SETBP1: variants seen among roughly 807,000 people sequenced by gnomAD.
SETBP1 encodes SET-binding protein.
Under a neutral mutation model 101.0 loss-of-function variants are expected in SETBP1, and 9 were observed. The ratio of observed to expected loss-of-function variants is 0.09; its 90% CI spans 0.05 to 0.16. SETBP1 has a LOEUF of 0.16. SETBP1 is among the 10% of genes least tolerant of loss of function. The pLI, the probability that SETBP1 is intolerant of heterozygous loss-of-function variation, is 1.00. For missense variants in SETBP1, 1,858 were observed against 2,033.8 expected (o/e 0.91, Z 1.66); for synonymous variants, 818 against 788.5 (o/e 1.04, Z -0.63).
At chr18:44,868,701 CGGAAGGAAGGGAGGAAGGAAGGAA>C (rs200660680) in intron 2 of SETBP1, among the ~76,000 whole-genome samples, 15,454 of 112,110 alleles carry the variant, frequency 0.14, 1,944 homozygotes, top group South Asian at 0.19. Context: ...AGAGAGAGGA[CGGAAGGAAGGGAGGAAGGAAGGAA>C]GGAAGGAAGG....
At chr18:45,022,257 T>C (rs1178369203) in intron 4 of SETBP1, among the ~76,000 whole-genome samples, 2 of 152,194 alleles carry the variant, frequency 1.3e-5, no homozygotes, top group African/African-American at 4.8e-5. Context: ...TCTTCTGTTA[T>C]ATTTCACCTG....
chr18:44,687,466 T>C (rs929477716), intron 1 of SETBP1, among the ~76,000 whole-genome samples: 3 of 151,938 alleles, frequency 2.0e-5, no homozygotes, highest in African/African-American at 4.8e-5. Flanking sequence ...CTGGGGTAAA[T>C]AGAATTGGGG....
chr18:44,876,713 C>T, intron 3 of SETBP1: 2 of 1,547,506 alleles, frequency 1.3e-6, no homozygotes, highest in Non-Finnish European at 8.7e-7. Flanking sequence ...CTCACTCTTC[C>T]TTTTCACAGT....
At chr18:44,842,293 G>A (rs2072632689) in intron 2 of SETBP1, among the ~76,000 whole-genome samples, 2 of 152,246 alleles carry the variant, frequency 1.3e-5, no homozygotes, top group African/African-American at 4.8e-5. Context: ...CACCAGCTCA[G>A]GGGGAGGGCC....
chr18:44,712,501 T>A (rs561504667), intron 2 of SETBP1, among the ~76,000 whole-genome samples: 7 of 152,324 alleles, frequency 4.6e-5, no homozygotes, highest in Admixed American at 4.6e-4. Context: ...AAGCAGTAGC[T>A]CCTCATGGTG....
At chr18:44,908,807 G>A (rs560291652) in intron 3 of SETBP1, among the ~76,000 whole-genome samples, 18 of 152,198 alleles carry the variant, frequency 1.2e-4, no homozygotes, top group Non-Finnish European at 2.2e-4. Flanking sequence ...GGTAATTCAT[G>A]TCCTGTAGAG....
intron 3 of SETBP1, among the ~76,000 whole-genome samples, chr18:44,889,060 A>C (rs1159081124): frequency 6.6e-6 from 1 of 152,066 alleles, no homozygotes; most frequent in Admixed American, 6.6e-5. Context: ...TGAAAGTTGA[A>C]TATATTTCCT....
chr18:45,057,883 C>T (rs539696263), intron 5 of SETBP1, among the ~76,000 whole-genome samples: 33 of 152,316 alleles, frequency 2.2e-4, no homozygotes, highest in Non-Finnish European at 3.8e-4. Context: ...GCCTTTGGCT[C>T]AGGGGGCCTA....
chr18:44,983,996 T>C (rs184076833), intron 4 of SETBP1, among the ~76,000 whole-genome samples: 12 of 151,332 alleles, frequency 7.9e-5, no homozygotes, highest in Admixed American at 7.9e-4. Context: ...AGGTCAGGAG[T>C]TCGAGACCAC....
chr18:44,759,952 C>T (rs1461664814), intron 2 of SETBP1, among the ~76,000 whole-genome samples: 1 of 152,172 alleles, frequency 6.6e-6, no homozygotes, highest in African/African-American at 2.4e-5. Context: ...CTTTCAAGCT[C>T]CCCAGGTGAT....
chr18:44,889,543 G>A (rs774538749), intron 3 of SETBP1, among the ~76,000 whole-genome samples: 25 of 152,264 alleles, frequency 1.6e-4, no homozygotes, highest in South Asian at 4.1e-4. Flanking sequence ...AGCTCAGAGC[G>A]TTGCTAAGGG....
chr18:44,688,707 C>T (rs1004898914), intron 1 of SETBP1, among the ~76,000 whole-genome samples: 1 of 152,106 alleles, frequency 6.6e-6, no homozygotes, highest in African/African-American at 2.4e-5. Flanking sequence ...CCTGCCTCGG[C>T]CTCCCAAAGT....
At chr18:45,012,789 T>A (rs2072866348) in intron 4 of SETBP1, among the ~76,000 whole-genome samples, 1 of 152,174 alleles carries the variant, frequency 6.6e-6, no homozygotes, top group African/African-American at 2.4e-5. Flanking sequence ...CTGTTCTCTA[T>A]GATAAACAAG....
chr18:44,730,986 C>G (rs117775449), intron 2 of SETBP1, among the ~76,000 whole-genome samples: 1 of 152,166 alleles, frequency 6.6e-6, no homozygotes, highest in Non-Finnish European at 1.5e-5. Context: ...GACATTGCCC[C>G]ACTTGTGACT....
chr18:44,707,846 G>T (rs922954117), intron 2 of SETBP1, among the ~76,000 whole-genome samples: 5 of 152,198 alleles, frequency 3.3e-5, no homozygotes, highest in Non-Finnish European at 5.9e-5. Flanking sequence ...GGTTGCAGGG[G>T]TGCTGGGGAA....
chr18:45,020,872 G>A (rs767648236), intron 4 of SETBP1, among the ~76,000 whole-genome samples: 4 of 152,156 alleles, frequency 2.6e-5, no homozygotes, highest in Non-Finnish European at 5.9e-5. Flanking sequence ...GTTCTCTATT[G>A]CATATCCATC....
intron 2 of SETBP1, among the ~76,000 whole-genome samples, chr18:44,746,691 A>G (rs1469171830): frequency 6.6e-6 from 1 of 152,244 alleles, no homozygotes; most frequent in Non-Finnish European, 1.5e-5. Context: ...CTTAACAATC[A>G]GGAACTATCA....
chr18:44,966,624 G>C (rs2071726381), intron 4 of SETBP1, among the ~76,000 whole-genome samples: 1 of 152,146 alleles, frequency 6.6e-6, no homozygotes, highest in Admixed American at 6.5e-5. Context: ...TTAGGATGGT[G>C]CTGAGCACAG....
intron 2 of SETBP1, among the ~76,000 whole-genome samples, chr18:44,847,232 T>G (rs956831235): frequency 3.3e-5 from 5 of 152,236 alleles, no homozygotes; most frequent in African/African-American, 7.2e-5. Context: ...AATTCTTGCT[T>G]CTTCACTTCT....
Sources: gnomAD v4.1 joint callset for allele counts (sites outside exome capture counted in the v4.1 genomes callset) on GRCh38, gnomAD v4.1.1 for gene constraint, MANE v1.5 for transcripts, NCBI Gene and HGNC (gene_info 2026-07-23, HGNC 2026-07-21) for gene names.